The following LSAMP variants were observed in gnomAD, a reference collection of about 807,000 sequenced individuals.
LSAMP encodes the protein limbic system associated membrane protein, also known as limbic system-associated membrane protein.
In LSAMP, 7 loss-of-function variants were observed where a neutral mutation model predicts 38.6. The ratio of observed to expected loss-of-function variants is 0.18; its 90% CI spans 0.10 to 0.34. The LOEUF is 0.34. Ranked by LOEUF, LSAMP falls within the 10% of genes least tolerant of loss-of-function variation. The pLI is 1.00. For missense variants in LSAMP, 313 were observed against 420.0 expected, an observed-to-expected ratio of 0.75 and a Z score of 2.23; for synonymous variants, 154 against 166.8, an observed-to-expected ratio of 0.92 and a Z score of 0.59.
intron 3 of LSAMP, among the ~76,000 whole-genome samples, chr3:115,931,883 C>G (rs1476973155): frequency 1.3e-5 from 2 of 151,904 alleles, no homozygotes; most frequent in Non-Finnish European, 2.9e-5. Flanking sequence ...AGATTTTTAC[C>G]CAGTTTTTAA....
intron 1 of LSAMP, among the ~76,000 whole-genome samples, chr3:116,368,721 C>G (rs1392419558): frequency 6.6e-6 from 1 of 152,088 alleles, no homozygotes; most frequent in Non-Finnish European, 1.5e-5. Flanking sequence ...GATTCACCAG[C>G]TATAAGTGTA....
Position 115,807,631 on chromosome 3 carries a change from C to T in LSAMP, c.*2686G>A, listed in dbSNP as rs1000542815. On this transcript the variant is annotated 3_prime_UTR_variant, in exon 7 of 7. Transcript: ENST00000490035. Reference sequence around the variant, plus strand: ...ACATCCAACTTCTAACAACATCCAACTTAACTCCTACTTTTCTCTTCCTGT... The same window carrying T: ...ACATCCAACTTCTAACAACATCCAATTTAACTCCTACTTTTCTCTTCCTGT... 4.6e-5 allele frequency: 7 copies of T among 152,168 alleles called. No homozygotes were observed. The highest frequency in any genetic ancestry group is 1.7e-4 in the African/African-American group (7 of 41,450). 9.4% of individuals were successfully genotyped at this position (152,168 alleles called of 1,614,324 possible).
chr3:116,312,795 T>C (rs142168670), intron 1 of LSAMP, among the ~76,000 whole-genome samples: 65 of 152,302 alleles, frequency 4.3e-4, no homozygotes, highest in African/African-American at 1.5e-3. Context: ...AATAATGTTT[T>C]CATTCAAATG....
rs141832042 is a variant in LSAMP at position 115,852,083 on chromosome 3, G to C, written c.649+400C>G. Among the ~76,000 whole-genome samples the C allele has an allele frequency of 1.8e-4, 28 of 152,276 alleles. No homozygotes were observed. In the East Asian group the frequency reaches 5.2e-3, roughly 28 times the overall value. ...ATAGCAGAGGATAAAATATAATCTT[G>C]AGGCATTCCCTCCTGACAAACAATG... On this transcript the variant is annotated intron_variant, in intron 4 of 6. Coordinates refer to ENST00000490035, the MANE Select transcript of LSAMP (RefSeq NM_002338.5).
intron 3 of LSAMP, among the ~76,000 whole-genome samples, chr3:115,895,289 T>C (rs1392552329): frequency 6.6e-6 from 1 of 151,978 alleles, no homozygotes; most frequent in Non-Finnish European, 1.5e-5. Context: ...GATGTATCAT[T>C]TTGGTATTGT....
At chr3:116,417,493 T>C (rs2049067464) in intron 1 of LSAMP, among the ~76,000 whole-genome samples, 1 of 152,338 alleles carries the variant, frequency 6.6e-6, no homozygotes, top group South Asian at 2.1e-4. Context: ...CTTCAGGGGC[T>C]GTGTAATATT....
intron 1 of LSAMP, among the ~76,000 whole-genome samples, chr3:116,407,140 A>G (rs2048907557): frequency 6.6e-6 from 1 of 152,076 alleles, no homozygotes; most frequent in Non-Finnish European, 1.5e-5. Context: ...GGGAACACAC[A>G]GTACATTTTC....
intron 2 of LSAMP, among the ~76,000 whole-genome samples, chr3:116,058,602 T>G (rs1941534259): frequency 6.6e-6 from 1 of 152,198 alleles, no homozygotes; most frequent in Non-Finnish European, 1.5e-5. Flanking sequence ...CAGAAAATAG[T>G]CATCTTCTGT....
intron 1 of LSAMP, among the ~76,000 whole-genome samples, chr3:116,156,356 G>A (rs1709747519): frequency 1.3e-5 from 2 of 152,004 alleles, no homozygotes; most frequent in Admixed American, 6.6e-5. Flanking sequence ...TTTGGGGTGG[G>A]GTCAGAGGAA....
chr3:116,396,234 C>G (rs936505701), intron 1 of LSAMP, among the ~76,000 whole-genome samples: 7 of 152,170 alleles, frequency 4.6e-5, no homozygotes, highest in African/African-American at 1.7e-4. Context: ...GATCAGTTTT[C>G]TTATGCAATT....
At chr3:116,030,593 G>A (rs1481583916) in intron 2 of LSAMP, among the ~76,000 whole-genome samples, 1 of 152,084 alleles carries the variant, frequency 6.6e-6, no homozygotes, top group Non-Finnish European at 1.5e-5. Flanking sequence ...AACAGAACAG[G>A]ATTTAGATAC....
intron 1 of LSAMP, among the ~76,000 whole-genome samples, chr3:116,341,705 A>G (rs1161637241): frequency 6.6e-6 from 1 of 151,984 alleles, no homozygotes; most frequent in Non-Finnish European, 1.5e-5. Context: ...GCTATTTCGA[A>G]TTGAATACAA....
chr3:116,119,515 G>T (rs1433449578), intron 1 of LSAMP, among the ~76,000 whole-genome samples: 2 of 151,862 alleles, frequency 1.3e-5, no homozygotes, highest in East Asian at 3.9e-4. Context: ...ACAAATACTG[G>T]GGTTAGTACA....
At chr3:116,057,812 C>T (rs1941515779) in intron 2 of LSAMP, among the ~76,000 whole-genome samples, 1 of 152,084 alleles carries the variant, frequency 6.6e-6, no homozygotes, top group South Asian at 2.1e-4. Context: ...ATACTTTCCC[C>T]TTTCTACTTA....
chr3:116,247,097 G>A (rs577962522), intron 1 of LSAMP, among the ~76,000 whole-genome samples: 1 of 152,174 alleles, frequency 6.6e-6, no homozygotes, highest in Non-Finnish European at 1.5e-5. Context: ...ATTCATGCAG[G>A]GCTTACATTC....
At chr3:116,059,359 G>A (rs1173393065) in intron 2 of LSAMP, among the ~76,000 whole-genome samples, 2 of 152,158 alleles carry the variant, frequency 1.3e-5, no homozygotes, top group Non-Finnish European at 2.9e-5. Flanking sequence ...ATAATCAGGA[G>A]AAGATGTGTT....
chr3:115,852,585 C>T lies in LSAMP; in HGVS notation c.547G>A (p.Glu183Lys). 6.2e-7 allele frequency: 1 copy of T among 1,612,722 alleles called. No individual in the cohort carries two copies. Among genetic ancestry groups the T allele is most frequent in the South Asian group, 1.1e-5 (1 of 90,714 alleles). Residue 183 changes from glutamate to lysine, a missense_variant, in exon 4 of 7, where the codon GAG (glutamate) becomes AAG (lysine). By Grantham distance (56) the Glu-to-Lys change is moderately conservative (BLOSUM62 1). Coordinates refer to ENST00000490035, the MANE Select transcript of LSAMP (RefSeq NM_002338.5). ...REFEGEEEYL[E>K]ILGITREQSG... ...TGCTCCCTGGTGATGCCAAGGATCT[C>T]CAGATATTCTTCTTCTCCTTCAAAT...
chr3:116,090,654 A>C (rs1708101745), intron 1 of LSAMP, among the ~76,000 whole-genome samples: 1 of 152,182 alleles, frequency 6.6e-6, no homozygotes, highest in Non-Finnish European at 1.5e-5. Context: ...TTGAGAAATA[A>C]AAGGACAGAG....
intron 1 of LSAMP, among the ~76,000 whole-genome samples, chr3:116,235,183 C>T (rs1006600977): frequency 6.6e-6 from 1 of 151,896 alleles, no homozygotes; most frequent in Non-Finnish European, 1.5e-5. Flanking sequence ...AAATAATAAA[C>T]AGCTCACTGC....
Sources: allele counts gnomAD v4.1 joint callset (sites outside exome capture counted in the v4.1 genomes callset), GRCh38; gene constraint gnomAD v4.1.1; transcripts MANE v1.5; gene names NCBI Gene and HGNC (gene_info 2026-07-23, HGNC 2026-07-21).